The following ITIH1 variants were observed in gnomAD, a reference collection of about 807,000 sequenced individuals.
The protein encoded by ITIH1 is inter-alpha-trypsin inhibitor heavy chain 1.
Under a neutral mutation model 104.6 loss-of-function variants are expected in ITIH1, and 94 were observed. The ratio of observed to expected loss-of-function variants is 0.90; its 90% CI spans 0.76 to 1.07. ITIH1 has a LOEUF of 1.07. Among genes scored for constraint, ITIH1 ranks in the 50% least tolerant of loss-of-function variants. The probability of loss-of-function intolerance (pLI) is 0.00; values close to 1 mark genes in which losing one functional copy is unlikely to be tolerated. For missense variants in ITIH1, 1,193 were observed against 1,181.4 expected, an observed-to-expected ratio of 1.01 and a Z score of -0.14; for synonymous variants, 455 against 464.4, an observed-to-expected ratio of 0.98 and a Z score of 0.26.
rs1699036122 is a variant in ITIH1 at position 52,781,212 on chromosome 3, TTCTTCTTCTTCTTCTTCTTC to T, written c.688-726_688-707del. Among the ~76,000 whole-genome samples the T allele has an allele frequency of 3.6e-4, 5 of 13,912 alleles. 1 individual carries two copies. Among genetic ancestry groups the T allele is most frequent in the Middle Eastern group, 0.056 (2 of 36 alleles). 9.1% of individuals were successfully genotyped at this position (13,912 alleles called of 152,430 possible). ...TCCTCCTCTTCTTTTTTTTTTTTTCTTCTTCTTCTTCTTCTTCTTCTTCTTCTTCTTCTTCTTCTTCTTCT... is the reference window on the plus strand; with the variant it reads ...TCCTCCTCTTCTTTTTTTTTTTTTCTTTCTTCTTCTTCTTCTTCTTCTTCT... On this transcript the variant is annotated intron_variant, in intron 6 of 21. Transcript: ENST00000273283.
At position 52,784,550 on chromosome 3, in the gene ITIH1, T is replaced by C. The variant is rs1057458545; in HGVS notation, c.1407+73T>C. 4.7e-6 allele frequency: 7 copies of C among 1,476,284 alleles called. No homozygotes were observed. The African/African-American group carries it at 9.7e-5, about 20-fold the overall frequency. 91.4% of individuals were successfully genotyped at this position (1,476,284 alleles called of 1,614,324 possible). ...CCCTGCCTTGGTGGCCGTTTGCCCA[T>C]CAGCCTAGAGGAGCAGATAAAGCTC... On this transcript the variant is annotated intron_variant, in intron 11 of 21. Transcript: ENST00000273283.
rs746677471 is a variant in ITIH1 at position 52,790,764 on chromosome 3, C to T, written c.2337C>T (p.Ile779=). The T allele has an allele frequency of 8.1e-6, 13 of 1,612,556 alleles. No individual in the cohort carries two copies. The highest frequency in any genetic ancestry group is 1.1e-5 in the Non-Finnish European group (13 of 1,179,424). ...GGCTCTGCAGGGTGGTGGTGACCAT[C>T]AACAAGAAGAGGAACCTGGTGGTGT... ...VLRQDGVVVT[I]NKKRNLVVSV... Residue 779 remains isoleucine (I), a synonymous_variant, in exon 20 of 22, where the codon ATC becomes ATT. Coordinates refer to ENST00000273283, the MANE Select transcript of ITIH1 (RefSeq NM_002215.4).
Position 52,787,181 on chromosome 3 carries a change from C to T in ITIH1, c.1889-7C>T. ...CTCTAATTATTTTCTCTTTCTCTCC[C>T]TTCCAGATTCTCCGCCTTTGGGTGA... On this transcript the variant is annotated splice_region_variant and splice_polypyrimidine_tract_variant and intron_variant, in intron 14 of 21. Coordinates refer to ENST00000273283, the MANE Select transcript of ITIH1 (RefSeq NM_002215.4). 9 of 1,614,160 alleles carry T rather than the reference C, an allele frequency of 5.6e-6. No homozygotes were observed. The highest frequency in any genetic ancestry group is 7.6e-6 in the Non-Finnish European group (9 of 1,180,040).
At position 52,791,949 on chromosome 3, in the gene ITIH1, A is replaced by T; in HGVS notation, c.*38A>T. ...GCACGCCTGTCCTCCCCCGGGGCCA[A>T]GGCAGAGGAGGAGGACGACATCCTG... On this transcript the variant is annotated 3_prime_UTR_variant, in exon 22 of 22. Transcript: ENST00000273283. 6.3e-7 allele frequency: 1 copy of T among 1,582,944 alleles called. No individual in the cohort carries two copies. Among genetic ancestry groups the T allele is most frequent in the Non-Finnish European group, 8.6e-7 (1 of 1,162,148 alleles).
intron 17 of ITIH1, 39 bp from the exon 18 acceptor site, chr3:52,788,193 C>A (rs1322631561): frequency 6.5e-7 from 1 of 1,548,256 alleles, no homozygotes; most frequent in Admixed American, 1.7e-5. Context: ...CCCCATCTGC[C>A]CGATGTCCAA....
Position 52,779,556 on chromosome 3 carries a change from A to G in ITIH1, c.535A>G (p.Ile179Val). The G allele has an allele frequency of 6.2e-7, 1 of 1,614,202 alleles. No homozygotes were observed. The highest frequency in any genetic ancestry group is 8.5e-7 in the Non-Finnish European group (1 of 1,180,038). The change falls in exon 5 of 22, where the codon ATC becomes GTC. Residue 179 changes from isoleucine to valine, a missense_variant. By Grantham distance (29) the Ile-to-Val change is conservative (BLOSUM62 3). Coordinates refer to ENST00000273283, the MANE Select transcript of ITIH1 (RefSeq NM_002215.4). The surrounding 1 kb of genome is among the most constrained non-coding windows in gnomAD (Gnocchi z 4.4). ...AAACCATATGCAGTATGAAATTGTCATCAAAGTCAAGCCCAAGCAGCTGGT... is the reference window on the plus strand; with the variant it reads ...AAACCATATGCAGTATGAAATTGTCGTCAAAGTCAAGCCCAAGCAGCTGGT... ...KRNHMQYEIV[I>V]KVKPKQLVHH...
In ITIH1 at chr3:52,779,961, T is replaced by C; in HGVS notation, c.574-308T>C. On this transcript the variant is annotated intron_variant, in intron 5 of 21. Coordinates refer to ENST00000273283, the MANE Select transcript of ITIH1 (RefSeq NM_002215.4). This position sits in a 1 kb window ranked among gnomAD's most constrained non-coding sequence, Gnocchi z 4.4. ...CCTAAGTGGTGGCTGAGTTGAGGGATGCAGGCATGTACACCTTCATTTGGT... is the reference window on the plus strand; with the variant it reads ...CCTAAGTGGTGGCTGAGTTGAGGGACGCAGGCATGTACACCTTCATTTGGT... 1 of 1,385,464 alleles carries C rather than the reference T, an allele frequency of 7.2e-7. No homozygotes were observed. Among genetic ancestry groups the C allele is most frequent in the South Asian group, 1.6e-5 (1 of 64,314 alleles). 85.8% of individuals were successfully genotyped at this position (1,385,464 alleles called of 1,614,324 possible).
Position 52,782,237 on chromosome 3 carries a change from T to C in ITIH1, c.900T>C (p.Ser300=). The C allele has an allele frequency of 6.2e-7, 1 of 1,614,144 alleles. No homozygotes were observed. The highest frequency in any genetic ancestry group is 8.5e-7 in the Non-Finnish European group (1 of 1,180,004). ...ACGTGGTTTTTGTGATTGACATCAG[T>C]GGCTCCATGAGAGGCCAGAAAGTGA... is the stretch of plus-strand genomic sequence containing the variant. ...NKNVVFVIDI[S]GSMRGQKVKQ... is the part of the protein sequence containing the mutation. The change falls in exon 8 of 22, where the codon AGT becomes AGC. Residue 300 remains serine, a synonymous_variant. Transcript: ENST00000273283.
intron 8 of ITIH1, 77 bp downstream of exon 8, chr3:52,782,344 C>A: frequency 1.7e-6 from 2 of 1,163,640 alleles, no homozygotes; most frequent in South Asian, 1.3e-5. Flanking sequence ...AGTTTTGCTG[C>A]CAGAGTCTGG....
chr3:52,787,161 A>T, intron 14 of ITIH1, 27 bp from the exon 15 acceptor site: 2 of 1,613,892 alleles, frequency 1.2e-6, no homozygotes, highest in Non-Finnish European at 1.7e-6. Context: ...TGGGGCTCTA[A>T]TTATTTTCTC....
At chr3:52,789,880 T>A (rs1699307497) in intron 19 of ITIH1, 26 bp downstream of exon 19, 1 of 1,610,922 alleles carries the variant, frequency 6.2e-7, no homozygotes, top group Non-Finnish European at 8.5e-7. Flanking sequence ...CTGGGCAAGA[T>A]GCAGGGGGAG....
Position 52,782,170 on chromosome 3 carries a change from C to T in ITIH1, c.833C>T (p.Ala278Val), listed in dbSNP as rs762917288. 1 of 1,614,024 alleles carries T rather than the reference C, an allele frequency of 6.2e-7. No homozygotes were observed. Among genetic ancestry groups the T allele is most frequent in the African/African-American group, 1.3e-5 (1 of 74,920 alleles). Residue 278 changes from alanine (A) to valine (V), a missense_variant, in exon 8 of 22, where the codon GCC (alanine) becomes GTC (valine). Physicochemically the swap from Ala to Val is moderately conservative, Grantham distance 64. Coordinates refer to ENST00000273283, the MANE Select transcript of ITIH1 (RefSeq NM_002215.4). ...TTTCAGGTGGCCAATAACCACTTTG[C>T]CCACTTCTTTGCCCCCCAAAACCTG... is the stretch of plus-strand genomic sequence containing the variant. ...CDLLVANNHF[A>V]HFFAPQNLTN... is the part of the protein sequence containing the mutation.
intron 2 of ITIH1, 96 bp from the exon 3 acceptor site, chr3:52,778,244 T>G: frequency 7.8e-7 from 1 of 1,286,934 alleles, no homozygotes. Flanking sequence ...CTGGGCACCA[T>G]GCACTGGGGC....
At chr3:52,789,888 G>T (rs1699307718) in intron 19 of ITIH1, 34 bp downstream of exon 19, 2 of 1,606,144 alleles carry the variant, frequency 1.2e-6, no homozygotes, top group African/African-American at 1.3e-5. Context: ...GATGCAGGGG[G>T]AGGTGTGGCC....
intron 10 of ITIH1, among the ~76,000 whole-genome samples, chr3:52,783,666 G>A (rs967242179): frequency 2.0e-5 from 3 of 152,140 alleles, no homozygotes; most frequent in South Asian, 2.1e-4. Flanking sequence ...TAAGCAAGGG[G>A]CTAGGGACTG....
In ITIH1 at chr3:52,785,100, C is replaced by G. The variant is rs371939641; in HGVS notation, c.1464C>G (p.Pro488=). Residue 488 remains proline, a synonymous_variant, in exon 12 of 22, where the codon CCC becomes CCG. Transcript: ENST00000273283. ...TGGTGGATGTGGATTTGCAGTACCC[C>G]CAGGATGCTGTCTTGGCCCTGACCC... ...PLLVDVDLQY[P]QDAVLALTQN... 3.7e-6 allele frequency: 6 copies of G among 1,614,122 alleles called. No individual in the cohort carries two copies. The highest frequency in any genetic ancestry group is 4.2e-6 in the Non-Finnish European group (5 of 1,180,010).
chr3:52,777,787 CG>C, intron 1 of ITIH1, 55 bp downstream of exon 1: 2 of 1,482,002 alleles, frequency 1.3e-6, no homozygotes, highest in South Asian at 2.5e-5. Context: ...GATGAGGCCC[CG>C]GGCGGGACAC....
intron 2 of ITIH1, 68 bp downstream of exon 2, chr3:52,778,085 G>C: frequency 1.9e-6 from 3 of 1,560,530 alleles, no homozygotes; most frequent in Non-Finnish European, 1.8e-6. Context: ...TCCCCAACCT[G>C]TCAGGGGTGG....
At chr3:52,778,158 C>T (rs898039869) in intron 2 of ITIH1, 141 bp downstream of exon 2, 9 of 1,145,868 alleles carry the variant, frequency 7.9e-6, no homozygotes, top group Non-Finnish European at 9.2e-6. Flanking sequence ...GGGACTTGTT[C>T]CCATCTCACC....
Sources: allele counts gnomAD v4.1 joint callset (sites outside exome capture counted in the v4.1 genomes callset), GRCh38; gene constraint gnomAD v4.1.1; non-coding constraint Gnocchi (gnomAD v3.1); transcripts MANE v1.5; gene names NCBI Gene and HGNC (gene_info 2026-07-23, HGNC 2026-07-21).